SUFU: variants seen among roughly 807,000 people sequenced by gnomAD.
SUFU encodes the protein suppressor of fused homolog.
In SUFU, 7 loss-of-function variants were observed where a neutral mutation model predicts 58.9. The observed-to-expected ratio is 0.12, with a 90% CI of 0.07 to 0.22. The LOEUF (loss-of-function observed/expected upper bound fraction) is 0.22. SUFU is among the 10% of genes least tolerant of loss of function. The pLI is 1.00. For synonymous variants in SUFU, 232 were observed against 254.8 expected (o/e 0.91, Z 0.85); for missense variants, 451 against 641.3 (o/e 0.70, Z 3.20).
Position 102,617,998 on chromosome 10 carries a change from GCT to G in SUFU, c.1296+573_1296+574del. Reference sequence around the variant, plus strand: ...ATCCGGAGCACTTTGTCCTTCCTTTGCTCTTCTGGCTGGAGCGAGCTTCAGAG... The same window carrying G: ...ATCCGGAGCACTTTGTCCTTCCTTTGCTTCTGGCTGGAGCGAGCTTCAGAG... On this transcript the variant is annotated intron_variant, in intron 10 of 11. Transcript: ENST00000369902. This position sits in a 1 kb window ranked among gnomAD's most constrained non-coding sequence, Gnocchi z 4.4. 1 of 167,750 alleles carries G rather than the reference GCT, an allele frequency of 6.0e-6. No individual in the cohort carries two copies. The highest frequency in any genetic ancestry group is 1.7e-4 in the East Asian group (1 of 5,818). The allele number at this position is 167,750 out of a possible 1,614,324, so 10.4% of individuals were successfully genotyped here.
Position 102,565,573 on chromosome 10 carries a change from C to A in SUFU, c.454+15467C>A, listed in dbSNP as rs1590035266. Among the ~76,000 whole-genome samples, 3 of 152,344 alleles carry A rather than the reference C, an allele frequency of 2.0e-5. No individual in the cohort carries two copies. The South Asian group carries it at 6.2e-4, about 32-fold the overall frequency. ...CTATTTATTGTTTTTGAGACGGAGT[C>A]TCGCTCTGTCGCCCAGGCTGGAGTG... On this transcript the variant is annotated intron_variant, in intron 3 of 11. Transcript: ENST00000369902.
chr10:102,555,349 GA>G (rs1470179584), intron 3 of SUFU, among the ~76,000 whole-genome samples: 1 of 133,010 alleles, frequency 7.5e-6, no homozygotes, highest in Non-Finnish European at 1.6e-5. Context: ...CTCAATGACA[GA>G]CCCTACTTAA....
intron 2 of SUFU, among the ~76,000 whole-genome samples, chr10:102,524,324 CT>C (rs1384276713): frequency 1.7e-5 from 2 of 119,892 alleles, no homozygotes; most frequent in Admixed American, 9.0e-5. Context: ...TTTTTCTTTT[CT>C]TTTCTTTTTT....
intron 7 of SUFU, among the ~76,000 whole-genome samples, chr10:102,598,990 T>TG (rs2063490717): frequency 6.6e-6 from 1 of 151,988 alleles, no homozygotes; most frequent in Non-Finnish European, 1.5e-5. Context: ...CGGGACCAGA[T>TG]GCTAGTTGAC....
chr10:102,612,180 T>TGTGTGG (rs1303347475), intron 8 of SUFU, among the ~76,000 whole-genome samples: 1 of 45,992 alleles, frequency 2.2e-5, no homozygotes, highest in African/African-American at 8.0e-5. Context: ...TGTGTGTGTG[T>TGTGTGG]GTGTGTGTGT....
At chr10:102,532,923 C>G (rs1343241899) in intron 2 of SUFU, among the ~76,000 whole-genome samples, 2 of 152,078 alleles carry the variant, frequency 1.3e-5, no homozygotes, top group East Asian at 1.9e-4. Flanking sequence ...ATTTTGGGAA[C>G]AACACTGAAC....
intron 2 of SUFU, among the ~76,000 whole-genome samples, chr10:102,544,613 C>T (rs891881824): frequency 1.3e-5 from 2 of 152,052 alleles, no homozygotes; most frequent in South Asian, 2.1e-4. Context: ...GCAGGAGAAT[C>T]GCTTGAACCC....
At position 102,548,202 on chromosome 10, in the gene SUFU, C is replaced by T. The variant is rs117926251; in HGVS notation, c.318-1768C>T. Among the ~76,000 whole-genome samples the T allele has an allele frequency of 8.8e-3, 1,344 of 152,196 alleles. 4 individuals carry two copies. Among genetic ancestry groups the T allele is most frequent in the Non-Finnish European group, 0.014 (948 of 68,014 alleles). ...AGATAGAGAGATAGATAGATAGATA[C>T]ATACATACATAGAGTTTGATCATGA... On this transcript the variant is annotated intron_variant, in intron 2 of 11. Transcript: ENST00000369902.
At chr10:102,530,255 G>T (rs2062661365) in intron 2 of SUFU, among the ~76,000 whole-genome samples, 1 of 152,006 alleles carries the variant, frequency 6.6e-6, no homozygotes, top group Non-Finnish European at 1.5e-5. Context: ...ATTTCATGCA[G>T]TTTCCACCTA....
At chr10:102,555,299 G>T (rs2135756397) in intron 3 of SUFU, among the ~76,000 whole-genome samples, 1 of 147,502 alleles carries the variant, frequency 6.8e-6, no homozygotes, top group Admixed American at 6.8e-5. Context: ...AACTTTATAT[G>T]GATCAAGATG....
chr10:102,583,387 T>G (rs1202138998), intron 3 of SUFU, among the ~76,000 whole-genome samples: 2 of 152,190 alleles, frequency 1.3e-5, no homozygotes, highest in African/African-American at 4.8e-5. Flanking sequence ...GGAGTACCTT[T>G]GGCCAAAGCC....
At chr10:102,563,918 C>T (rs2063063926) in intron 3 of SUFU, among the ~76,000 whole-genome samples, 1 of 152,162 alleles carries the variant, frequency 6.6e-6, no homozygotes, top group South Asian at 2.1e-4. Flanking sequence ...TACTTCTCAG[C>T]TCTGCCATTC....
chr10:102,506,219 A>T (rs886914107), intron 1 of SUFU, among the ~76,000 whole-genome samples: 2 of 152,146 alleles, frequency 1.3e-5, no homozygotes, highest in Non-Finnish European at 2.9e-5. Context: ...TGTGCAAAGG[A>T]CTAAGGGCAA....
At chr10:102,577,433 C>T (rs2063224042) in intron 3 of SUFU, among the ~76,000 whole-genome samples, 1 of 151,986 alleles carries the variant, frequency 6.6e-6, no homozygotes, top group Admixed American at 6.6e-5. Context: ...TGCAGCCTCC[C>T]TCTCCCAGGG....
At chr10:102,572,796 G>A (rs2063175888) in intron 3 of SUFU, 8 of 810,678 alleles carry the variant, frequency 9.9e-6, no homozygotes, top group South Asian at 2.6e-5. Flanking sequence ...CCAAAGCATC[G>A]TAATCAGGAG....
intron 3 of SUFU, among the ~76,000 whole-genome samples, chr10:102,553,586 C>T (rs2062943169): frequency 6.6e-6 from 1 of 152,074 alleles, no homozygotes; most frequent in African/African-American, 2.4e-5. Context: ...GCCTCAGCCT[C>T]CCAAGTAGCT....
intron 1 of SUFU, among the ~76,000 whole-genome samples, chr10:102,505,823 C>T (rs963601369): frequency 6.6e-6 from 1 of 152,108 alleles, no homozygotes; most frequent in African/African-American, 2.4e-5. Context: ...TGGAAAGCAG[C>T]TCTTGCTAGC....
chr10:102,517,335 G>A (rs936169758), intron 2 of SUFU, among the ~76,000 whole-genome samples: 1 of 151,930 alleles, frequency 6.6e-6, no homozygotes. Context: ...ACAACTGAGT[G>A]GTGTGGTATT....
chr10:102,630,124 C>T lies in SUFU; in HGVS notation c.1424C>T (p.Pro475Leu), dbSNP rs1267387394. 1 of 1,614,100 alleles carries T rather than the reference C, an allele frequency of 6.2e-7. No homozygotes were observed. The highest frequency in any genetic ancestry group is 2.2e-5 in the East Asian group (1 of 44,890). ...AAGAAGCTGAAGGTCTCCATCCTGC[C>T]TGACGTGGTGTTCGACAGTCCGCTA... ...PEKKLKVSIL[P>L]DVVFDSPLH is the part of the protein sequence containing the mutation. Residue 475 changes from proline to leucine, a missense_variant, in exon 12 of 12, where the codon CCT becomes CTT. Transcript: ENST00000369902.
Sources: gnomAD v4.1 joint callset for allele counts (sites outside exome capture counted in the v4.1 genomes callset) on GRCh38, gnomAD v4.1.1 for gene constraint, Gnocchi (gnomAD v3.1) non-coding constraint, MANE v1.5 for transcripts, NCBI Gene and HGNC (gene_info 2026-07-23, HGNC 2026-07-21) for gene names.